ATG13: variants seen among roughly 807,000 people sequenced by gnomAD.
The protein encoded by ATG13 is autophagy related 13.
A neutral mutation model predicts 65.5 loss-of-function variants in ATG13; 23 were observed. The ratio of observed to expected loss-of-function variants is 0.35; its 90% CI spans 0.25 to 0.50. The LOEUF is 0.50. Among genes scored for constraint, ATG13 ranks in the 20% least tolerant of loss-of-function variants. The probability of loss-of-function intolerance (pLI) is 0.98; values close to 1 mark genes in which losing one functional copy is unlikely to be tolerated. For missense variants in ATG13, 566 were observed against 677.0 expected (o/e 0.84, Z 1.82); for synonymous variants, 252 against 245.2 (o/e 1.03, Z -0.26).
chr11:46,623,242 C>T (rs1027299077), intron 1 of ATG13, among the ~76,000 whole-genome samples: 7 of 151,912 alleles, frequency 4.6e-5, no homozygotes, highest in Non-Finnish European at 8.8e-5. Flanking sequence ...TGCAGTGAGC[C>T]GAGATTGTGC....
At position 46,663,161 on chromosome 11, in the gene ATG13, G is replaced by C. The variant is rs2061530379; in HGVS notation, c.790-836G>C. ...GGCACCTGTAGTCTCAGCCACTTAG[G>C]AGGCTGAGGCAGGAGAATGGCGTGA... On this transcript the variant is annotated intron_variant, in intron 11 of 18. Coordinates refer to ENST00000683050, the MANE Select transcript of ATG13 (RefSeq NM_001346311.2). 2.0e-5 allele frequency among the ~76,000 whole-genome samples: 3 copies of C among 150,774 alleles called. No individual in the cohort carries two copies. The Admixed American group carries it at 2.0e-4, about 10-fold the overall frequency.
chr11:46,643,778 T>C (rs1487292522), intron 2 of ATG13, among the ~76,000 whole-genome samples: 1 of 152,186 alleles, frequency 6.6e-6, no homozygotes, highest in Non-Finnish European at 1.5e-5. Context: ...CATGGTGTGT[T>C]TCATGAAATC....
intron 9 of ATG13, 95 bp downstream of exon 9, chr11:46,657,286 G>T: frequency 8.3e-7 from 1 of 1,212,078 alleles, no homozygotes; most frequent in Non-Finnish European, 1.2e-6. Context: ...ATTCAGCTTT[G>T]CTGAAAGCAG....
intron 10 of ATG13, among the ~76,000 whole-genome samples, chr11:46,658,696 C>T (rs1480240980): frequency 2.0e-5 from 3 of 151,886 alleles, no homozygotes; most frequent in Admixed American, 6.6e-5. Context: ...CCACCACGCC[C>T]GGTTAATTTT....
At chr11:46,651,560 G>A (rs1256984712) in intron 7 of ATG13, among the ~76,000 whole-genome samples, 3 of 152,174 alleles carry the variant, frequency 2.0e-5, no homozygotes, top group Admixed American at 6.5e-5. Context: ...CCTTTCTTTT[G>A]TATTTAGTGA....
chr11:46,637,564 A>G (rs1235449509), intron 2 of ATG13, among the ~76,000 whole-genome samples: 2 of 152,130 alleles, frequency 1.3e-5, no homozygotes, highest in African/African-American at 4.8e-5. Context: ...TGGTAGAGAC[A>G]GGGTTTTGCC....
At chr11:46,619,275 A>G (rs1256241061) in intron 1 of ATG13, among the ~76,000 whole-genome samples, 2 of 151,904 alleles carry the variant, frequency 1.3e-5, no homozygotes, top group Non-Finnish European at 2.9e-5. Flanking sequence ...TTGGGTTTTA[A>G]ATATTTAAAA....
chr11:46,622,240 C>T (rs1479453634), intron 1 of ATG13, among the ~76,000 whole-genome samples: 1 of 150,846 alleles, frequency 6.6e-6, no homozygotes, highest in Non-Finnish European at 1.5e-5. Context: ...GCCTCAGCCT[C>T]CCGTCTAGCT....
chr11:46,628,082 C>CAA (rs561371295), intron 1 of ATG13, among the ~76,000 whole-genome samples: 19 of 52,312 alleles, frequency 3.6e-4, no homozygotes, highest in African/African-American at 5.4e-4. Flanking sequence ...GACCTTGTCT[C>CAA]AAAAAAAAAA....
intron 9 of ATG13, 49 bp downstream of exon 9, chr11:46,657,240 G>GT (rs766619575): frequency 2.8e-5 from 43 of 1,516,798 alleles, no homozygotes; most frequent in African/African-American, 1.4e-4. Flanking sequence ...AAATGTTAAA[G>GT]TTTTTTTTCT....
intron 1 of ATG13, among the ~76,000 whole-genome samples, chr11:46,622,869 A>G (rs1451946928): frequency 1.3e-5 from 2 of 152,180 alleles, no homozygotes; most frequent in East Asian, 1.9e-4. Context: ...TATACACTGT[A>G]TGTATATATT....
chr11:46,642,426 C>T (rs950986035), intron 2 of ATG13, among the ~76,000 whole-genome samples: 3 of 151,670 alleles, frequency 2.0e-5, no homozygotes, highest in Non-Finnish European at 4.4e-5. Flanking sequence ...TTGCCTCAGC[C>T]TCCCAAGTAG....
At chr11:46,650,044 A>C (rs1489284749) in intron 6 of ATG13, 133 bp from the exon 7 acceptor site, 2 of 946,018 alleles carry the variant, frequency 2.1e-6, no homozygotes, top group Admixed American at 3.0e-5. Context: ...ACATTGGCTT[A>C]CCTCAGTAAT....
At chr11:46,660,654 C>T (rs1400679289) in intron 11 of ATG13, among the ~76,000 whole-genome samples, 21 of 151,464 alleles carry the variant, frequency 1.4e-4, no homozygotes, top group African/African-American at 4.1e-4. Context: ...ATGATCCGCC[C>T]GCCTCGGCCT....
intron 11 of ATG13, 174 bp downstream of exon 11, chr11:46,659,659 C>T: frequency 1.8e-6 from 1 of 544,998 alleles, no homozygotes. Flanking sequence ...TATTTCTAGT[C>T]TGTAATTATT....
Position 46,672,682 on chromosome 11 carries a change from C to A in ATG13, c.*350C>A. The stretch of plus-strand genomic sequence containing the variant: ...GCTGCCGGCCTCCTGCCTGGGCCTG[C>A]CTTGCAGCTGGCCCCTTCCCTGCCT... On this transcript the variant is annotated 3_prime_UTR_variant, in exon 19 of 19. Coordinates refer to ENST00000683050, the MANE Select transcript of ATG13 (RefSeq NM_001346311.2). The A allele has an allele frequency of 7.3e-7, 1 of 1,370,422 alleles. No individual in the cohort carries two copies. Among genetic ancestry groups the A allele is most frequent in the East Asian group, 4.3e-5 (1 of 23,496 alleles). The allele number at this position is 1,370,422 out of a possible 1,614,324, so 84.9% of individuals were successfully genotyped here.
rs1480062045 is a variant in ATG13, at chr11:46,668,572, C to T, written c.1325C>T (p.Pro442Leu). ...AATTTGGAGCTGGAGGATACCGATC[C>T]AATGGTGAGCCCACCGTTGACTACG... ...PKNLELEDTD[P>L]MVNPPDSPET... Residue 442 changes from proline (P) to leucine (L), a missense_variant, in exon 16 of 19, where the codon CCA becomes CTA. This residue lies in a region of ATG13 where 387 missense variants were observed against 409.8 expected (regional missense o/e 0.94). Transcript: ENST00000683050. 1 of 1,614,046 alleles carries T rather than the reference C, an allele frequency of 6.2e-7. No individual in the cohort carries two copies. Among genetic ancestry groups the T allele is most frequent in the Admixed American group, 1.7e-5 (1 of 60,022 alleles).
intron 2 of ATG13, among the ~76,000 whole-genome samples, chr11:46,640,051 C>T (rs1018161146): frequency 1.3e-4 from 19 of 151,866 alleles, no homozygotes; most frequent in African/African-American, 4.6e-4. Context: ...CACCATGTTG[C>T]CCAGGCTGGT....
In ATG13 at chr11:46,665,497, T is replaced by A; in HGVS notation, c.1114T>A (p.Cys372Ser). The A allele has an allele frequency of 1.2e-6, 2 of 1,614,234 alleles. No individual in the cohort carries two copies. The highest frequency in any genetic ancestry group is 4.5e-5 in the East Asian group (2 of 44,886). The change falls in exon 14 of 19, where the codon TGT becomes AGT. Residue 372 changes from cysteine to serine, a missense_variant. Physicochemically the swap from Cys to Ser is moderately radical, Grantham distance 112. This residue lies in a region of ATG13 where 387 missense variants were observed against 409.8 expected (regional missense o/e 0.94). Transcript: ENST00000683050. ...ATCTPSDRTHCAATPSSSEDT... is the reference protein window; with the variant it reads ...ATCTPSDRTHSAATPSSSEDT... ...CTGCACCCCTTCTGACAGAACCCAC[T>A]GTGCTGCCACACCCTCCAGTAGGTG...
Sources: allele counts gnomAD v4.1 joint callset (sites outside exome capture counted in the v4.1 genomes callset), GRCh38; gene constraint gnomAD v4.1.1; regional missense constraint gnomAD v4.1.1; transcripts MANE v1.5; gene names NCBI Gene and HGNC (gene_info 2026-07-23, HGNC 2026-07-21).